Variants in PIK3C2G observed in about 807,000 individuals in gnomAD.
The protein encoded by PIK3C2G is phosphatidylinositol-4-phosphate 3-kinase catalytic subunit type 2 gamma.
In PIK3C2G, 168 loss-of-function variants were observed where a neutral mutation model predicts 181.1. The ratio of observed to expected loss-of-function variants is 0.93; its 90% CI spans 0.82 to 1.05. The LOEUF (loss-of-function observed/expected upper bound fraction) is 1.05. PIK3C2G is among the 50% of genes least tolerant of loss of function. The probability of loss-of-function intolerance (pLI) is 0.00; values close to 1 mark genes in which losing one functional copy is unlikely to be tolerated. For missense variants in PIK3C2G, 1,869 were observed against 1,732.8 expected, an observed-to-expected ratio of 1.08 and a Z score of -1.40; for synonymous variants, 573 against 592.2, an observed-to-expected ratio of 0.97 and a Z score of 0.47.
chr12:18,495,980 A>AT, intron 20 of PIK3C2G, 82 bp from the exon 21 acceptor site: 4 of 656,814 alleles, frequency 6.1e-6, no homozygotes, highest in Non-Finnish European at 5.1e-6. Flanking sequence ...AGGGGCTATG[A>AT]TTTTGGGGAA....
At chr12:18,524,613 T>C (rs1336330330) in intron 24 of PIK3C2G, among the ~76,000 whole-genome samples, 1 of 151,836 alleles carries the variant, frequency 6.6e-6, no homozygotes, top group African/African-American at 2.4e-5. Flanking sequence ...TTGCCCAGGC[T>C]GAAGTGCAAC....
intron 13 of PIK3C2G, among the ~76,000 whole-genome samples, chr12:18,374,198 T>A (rs1030779771): frequency 1.2e-4 from 18 of 152,178 alleles, no homozygotes; most frequent in Non-Finnish European, 2.5e-4. Flanking sequence ...TGACCTGGCC[T>A]GAGCACCAGT....
chr12:18,553,597 G>A (rs1371344060), intron 26 of PIK3C2G, among the ~76,000 whole-genome samples: 1 of 151,986 alleles, frequency 6.6e-6, no homozygotes, highest in Non-Finnish European at 1.5e-5. Context: ...CCTCAACTTG[G>A]AAAACAACAA....
chr12:18,698,223 C>T, the PIK3C2G span, among the ~76,000 whole-genome samples: 1 of 133,070 alleles, frequency 7.5e-6, no homozygotes, highest in East Asian at 2.2e-4. Context: ...TTTATTATTA[C>T]TGCTTGCAAT....
At chr12:18,584,589 G>A (rs891186847) in intron 29 of PIK3C2G, among the ~76,000 whole-genome samples, 2 of 151,984 alleles carry the variant, frequency 1.3e-5, no homozygotes, top group African/African-American at 2.4e-5. Flanking sequence ...TGAAGGAATC[G>A]GGAGAAAGCA....
chr12:18,522,280 A>T (rs984614515), intron 24 of PIK3C2G, among the ~76,000 whole-genome samples: 1 of 152,200 alleles, frequency 6.6e-6, no homozygotes. Context: ...ACTGCTTTAC[A>T]CACCACCCTT....
intron 29 of PIK3C2G, among the ~76,000 whole-genome samples, chr12:18,590,599 C>A (rs1947028082): frequency 6.6e-6 from 1 of 151,676 alleles, no homozygotes; most frequent in Non-Finnish European, 1.5e-5. Flanking sequence ...TTAATGAGAG[C>A]AAATGTAGCA....
intron 1 of PIK3C2G, among the ~76,000 whole-genome samples, chr12:18,272,898 T>C (rs926044467): frequency 6.6e-6 from 1 of 152,108 alleles, no homozygotes; most frequent in Admixed American, 6.6e-5. Flanking sequence ...GATGTTCCAG[T>C]ACCACAATCT....
At chr12:18,680,860 G>A in the PIK3C2G span, among the ~76,000 whole-genome samples, 182 of 152,132 alleles carry the variant, frequency 1.2e-3, no homozygotes, top group Middle Eastern at 6.8e-3. Flanking sequence ...TTTGGATGTC[G>A]TCAAGAACAG....
chr12:18,529,269 G>C (rs1460729156), intron 24 of PIK3C2G, among the ~76,000 whole-genome samples: 2 of 152,078 alleles, frequency 1.3e-5, no homozygotes, highest in Non-Finnish European at 2.9e-5. Flanking sequence ...TAAAGTATCA[G>C]GATCACTTTC....
intron 30 of PIK3C2G, among the ~76,000 whole-genome samples, chr12:18,595,164 T>G (rs1947292966): frequency 6.6e-6 from 1 of 152,062 alleles, no homozygotes; most frequent in East Asian, 1.9e-4. Context: ...TAAGCAAGGA[T>G]TAGCAGGAAG....
At chr12:18,511,760 T>C (rs1437463544) in intron 24 of PIK3C2G, among the ~76,000 whole-genome samples, 1 of 152,108 alleles carries the variant, frequency 6.6e-6, no homozygotes, top group Non-Finnish European at 1.5e-5. Context: ...TCTCAGATTC[T>C]ATGGGCCATC....
At chr12:18,677,918 T>A in the PIK3C2G span, among the ~76,000 whole-genome samples, 8 of 152,082 alleles carry the variant, frequency 5.3e-5, no homozygotes, top group African/African-American at 1.9e-4. Context: ...TATTCATGTG[T>A]GCTTGTGTAT....
At chr12:18,521,720 G>A (rs1182235632) in intron 24 of PIK3C2G, among the ~76,000 whole-genome samples, 5 of 152,200 alleles carry the variant, frequency 3.3e-5, no homozygotes, top group South Asian at 2.1e-4. Context: ...TCCCAGTGTC[G>A]ACTGCCGCCT....
chr12:18,707,653 T>C, the PIK3C2G span, among the ~76,000 whole-genome samples: 1 of 152,292 alleles, frequency 6.6e-6, no homozygotes, highest in East Asian at 1.9e-4. Context: ...AGTAAACTCA[T>C]GCAACTAGAC....
intron 24 of PIK3C2G, among the ~76,000 whole-genome samples, chr12:18,507,973 A>G (rs1444671373): frequency 6.6e-6 from 1 of 152,228 alleles, no homozygotes; most frequent in African/African-American, 2.4e-5. Context: ...AAGCAGTATC[A>G]TAGGTCAATT....
At chr12:18,290,042 A>G (rs1395493670) in intron 3 of PIK3C2G, among the ~76,000 whole-genome samples, 1 of 152,176 alleles carries the variant, frequency 6.6e-6, no homozygotes, top group Non-Finnish European at 1.5e-5. Context: ...ACATGTGTAT[A>G]TTGCTTTATA....
chr12:18,515,268 T>A (rs1942461258), intron 24 of PIK3C2G, among the ~76,000 whole-genome samples: 1 of 152,018 alleles, frequency 6.6e-6, no homozygotes, highest in East Asian at 1.9e-4. Flanking sequence ...GATTCTCCGC[T>A]TTTTTCTATT....
chr12:18,292,227 A>AAAAAAAAAAAAATATATAT, intron 4 of PIK3C2G, among the ~76,000 whole-genome samples: 3 of 48,734 alleles, frequency 6.2e-5, no homozygotes, highest in African/African-American at 1.1e-4. Flanking sequence ...AAAAAAAAAA[A>AAAAAAAAAAAAATATATAT]ATATATATAT....
Sources: allele counts gnomAD v4.1 joint callset (sites outside exome capture counted in the v4.1 genomes callset), GRCh38; gene constraint gnomAD v4.1.1; transcripts MANE v1.5; gene names NCBI Gene and HGNC (gene_info 2026-07-23, HGNC 2026-07-21).